The following OR7E24 variants were observed in gnomAD, a reference collection of about 807,000 sequenced individuals.
OR7E24 encodes olfactory receptor 7E24.
For missense variants in OR7E24, 385 were observed against 410.3 expected, an observed-to-expected ratio of 0.94 and a Z score of 0.53; for synonymous variants, 130 against 157.5, an observed-to-expected ratio of 0.83 and a Z score of 1.31.
chr19:9,235,791 C>G, the OR7E24 span: 7 of 1,610,546 alleles, frequency 4.3e-6, no homozygotes, highest in Non-Finnish European at 5.9e-6. Flanking sequence ...GGATCCTCTT[C>G]TCCTACTCTC....
chr19:9,235,016 T>G, the OR7E24 span: 1 of 538,226 alleles, frequency 1.9e-6, no homozygotes, highest in East Asian at 3.0e-5. Flanking sequence ...TCAAATGGAA[T>G]TAGGCTACCA....
the OR7E24 span, among the ~76,000 whole-genome samples, chr19:9,232,974 T>G: frequency 6.6e-6 from 1 of 152,158 alleles, no homozygotes; most frequent in Non-Finnish European, 1.5e-5. Context: ...TGGTCTCTTG[T>G]GGGGCTCACG....
chr19:9,229,410 C>T, the OR7E24 span, among the ~76,000 whole-genome samples: 1 of 152,000 alleles, frequency 6.6e-6, no homozygotes, highest in Non-Finnish European at 1.5e-5. Context: ...TGGCAGGTGC[C>T]TGTAATCCCA....
At chr19:9,218,587 T>C in the OR7E24 span, among the ~76,000 whole-genome samples, 9 of 152,164 alleles carry the variant, frequency 5.9e-5, no homozygotes, top group African/African-American at 1.4e-4. Context: ...CCAAAGGCCG[T>C]CTACTACAAT....
the OR7E24 span, among the ~76,000 whole-genome samples, chr19:9,240,684 TG>T: frequency 1.3e-5 from 2 of 152,220 alleles, no homozygotes; most frequent in African/African-American, 4.8e-5. Context: ...TCTATTTTTT[TG>T]TTTTGTTACT....
chr19:9,246,435 G>A (rs1194588068), upstream of OR7E24, among the ~76,000 whole-genome samples: 5 of 150,716 alleles, frequency 3.3e-5, no homozygotes, highest in East Asian at 3.9e-4. Context: ...TGCCATTTAC[G>A]TGGGATAAAG....
chr19:9,227,749 C>CTTTTTTT, the OR7E24 span, among the ~76,000 whole-genome samples: 4 of 107,906 alleles, frequency 3.7e-5, no homozygotes, highest in East Asian at 5.4e-4. Flanking sequence ...AATGGTATTT[C>CTTTTTTT]TTTTTTTTTT....
At chr19:9,226,425 A>G in the OR7E24 span, among the ~76,000 whole-genome samples, 4 of 152,202 alleles carry the variant, frequency 2.6e-5, no homozygotes, top group Non-Finnish European at 5.9e-5. Flanking sequence ...CTGATTGGCT[A>G]GCAACTTAGA....
the OR7E24 span, chr19:9,214,687 A>G: frequency 1.2e-6 from 2 of 1,614,108 alleles, no homozygotes; most frequent in Non-Finnish European, 1.7e-6. Flanking sequence ...TGGGAGTCAG[A>G]GCTGACGGCC....
chr19:9,213,740 AAACAAT>A, the OR7E24 span: 2 of 624,712 alleles, frequency 3.2e-6, no homozygotes, highest in Non-Finnish European at 5.5e-6. Flanking sequence ...TCTGTCTCAA[AAACAAT>A]AACAATAACA....
the OR7E24 span, among the ~76,000 whole-genome samples, chr19:9,228,740 T>C: frequency 6.6e-6 from 1 of 152,188 alleles, no homozygotes. Context: ...GAGTAGATGG[T>C]GAATGCCAGG....
chr19:9,236,234 C>T, the OR7E24 span: 6 of 576,576 alleles, frequency 1.0e-5, no homozygotes, highest in East Asian at 3.0e-5. Context: ...TTTGTATGGC[C>T]GGGCACGGTG....
chr19:9,240,905 C>T, the OR7E24 span, among the ~76,000 whole-genome samples: 1 of 151,630 alleles, frequency 6.6e-6, no homozygotes, highest in Non-Finnish European at 1.5e-5. Context: ...GCAACCTCTG[C>T]CTCCCGGGTT....
the OR7E24 span, among the ~76,000 whole-genome samples, chr19:9,239,706 TC>T: frequency 6.9e-6 from 1 of 144,562 alleles, no homozygotes; most frequent in Non-Finnish European, 1.5e-5. Flanking sequence ...TTTTTCTTTT[TC>T]TTTTTTTTTT....
upstream of OR7E24, among the ~76,000 whole-genome samples, chr19:9,244,377 G>C (rs1409108864): frequency 5.3e-5 from 8 of 152,162 alleles, no homozygotes; most frequent in South Asian, 1.7e-3. Flanking sequence ...AGAGTAAAGA[G>C]AGCCCAGAAA....
the OR7E24 span, chr19:9,235,326 C>A: frequency 7.7e-7 from 1 of 1,295,172 alleles, no homozygotes; most frequent in Non-Finnish European, 1.1e-6. Flanking sequence ...CCATGTAATT[C>A]TTCCTCTCCA....
the OR7E24 span, chr19:9,212,867 C>T: frequency 1.3e-5 from 2 of 152,224 alleles, no homozygotes; most frequent in African/African-American, 4.8e-5. Flanking sequence ...ATTCTCCTGC[C>T]TCAGCCCTCC....
chr19:9,222,667 C>T, the OR7E24 span, among the ~76,000 whole-genome samples: 7 of 152,120 alleles, frequency 4.6e-5, no homozygotes, highest in Admixed American at 4.6e-4. Context: ...TCCAACTTTA[C>T]TGAGTCTTTT....
Position 9,251,978 on chromosome 19 carries a change from ACAAGGACATTCAAAGTGCCCTGTG to A in OR7E24, c.938_961del (p.Lys313_Cys320del), listed in dbSNP as rs1568336445. On this transcript the variant is annotated inframe_deletion, in exon 1 of 1. Coordinates refer to ENST00000456448, the MANE Select transcript of OR7E24 (RefSeq NM_001079935.2). ...AACCCCTTCATCTACAGCCTGAGGAACAAGGACATTCAAAGTGCCCTGTGCAGGCTGCATGGCAGAATCATCAAA... is the reference window on the plus strand; with the variant it reads ...AACCCCTTCATCTACAGCCTGAGGAACAGGCTGCATGGCAGAATCATCAAA... 1 of 1,614,160 alleles carries A rather than the reference ACAAGGACATTCAAAGTGCCCTGTG, an allele frequency of 6.2e-7. No homozygotes were observed. Among genetic ancestry groups the A allele is most frequent in the East Asian group, 2.2e-5 (1 of 44,884 alleles).
Sources: allele counts gnomAD v4.1 joint callset (sites outside exome capture counted in the v4.1 genomes callset), GRCh38; gene constraint gnomAD v4.1.1; transcripts MANE v1.5; gene names NCBI Gene and HGNC (gene_info 2026-07-23, HGNC 2026-07-21).